The following PDE12 variants were observed in gnomAD, a reference collection of about 807,000 sequenced individuals.
PDE12 encodes 2',5'-phosphodiesterase 12.
PDE12 carries 26 observed loss-of-function variants against 45.4 expected under a neutral mutation model. That is an observed-to-expected ratio of 0.57 (90% CI 0.42 to 0.79). The LOEUF is 0.79. Ranked by LOEUF, PDE12 falls within the 30% of genes least tolerant of loss-of-function variation. The pLI, the probability that PDE12 is intolerant of heterozygous loss-of-function variation, is 0.00. For missense variants in PDE12, 668 were observed against 790.0 expected, an observed-to-expected ratio of 0.85 and a Z score of 1.85; for synonymous variants, 283 against 323.9, an observed-to-expected ratio of 0.87 and a Z score of 1.36.
chr3:57,576,081 C>A, the PDE12 span, among the ~76,000 whole-genome samples: 1 of 152,096 alleles, frequency 6.6e-6, no homozygotes, highest in African/African-American at 2.4e-5. Flanking sequence ...TCTATCCTTT[C>A]CAACAACAGT....
At chr3:57,572,061 C>T in the PDE12 span, 77 of 609,540 alleles carry the variant, frequency 1.3e-4, no homozygotes, top group African/African-American at 1.2e-3. Context: ...ACATTATACT[C>T]GGTAAACAAT....
the PDE12 span, among the ~76,000 whole-genome samples, chr3:57,595,846 G>A: frequency 2.0e-5 from 3 of 152,048 alleles, no homozygotes; most frequent in Non-Finnish European, 4.4e-5. Flanking sequence ...AGCTACTCGG[G>A]AGGCTGAGGC....
the PDE12 span, among the ~76,000 whole-genome samples, chr3:57,640,451 G>T: frequency 6.6e-6 from 1 of 151,642 alleles, no homozygotes; most frequent in Non-Finnish European, 1.5e-5. Context: ...AAATTAGCCG[G>T]GCAAGGAGGT....
At chr3:57,584,462 C>T in the PDE12 span, 1 of 1,611,742 alleles carries the variant, frequency 6.2e-7, no homozygotes. Context: ...GCATCCAATC[C>T]AACTAGAAGA....
At chr3:57,588,979 G>A in the PDE12 span, among the ~76,000 whole-genome samples, 17 of 152,290 alleles carry the variant, frequency 1.1e-4, no homozygotes, top group East Asian at 5.8e-4. Context: ...GCACATGCCT[G>A]TAATCCCAGC....
the PDE12 span, among the ~76,000 whole-genome samples, chr3:57,616,469 A>G: frequency 6.7e-6 from 1 of 149,378 alleles, no homozygotes; most frequent in Non-Finnish European, 1.5e-5. Context: ...AGGAGGAGAA[A>G]GAAGGAAGAA....
the PDE12 span, among the ~76,000 whole-genome samples, chr3:57,589,636 T>A: frequency 6.6e-6 from 1 of 151,014 alleles, no homozygotes; most frequent in African/African-American, 2.4e-5. Flanking sequence ...GAGAATCGCT[T>A]GAACCCGGGA....
At chr3:57,608,537 A>C in the PDE12 span, among the ~76,000 whole-genome samples, 631 of 152,044 alleles carry the variant, frequency 4.2e-3, 6 homozygotes, top group African/African-American at 0.015. Flanking sequence ...AAAGGCATGG[A>C]GGAAGATCTG....
chr3:57,596,347 CT>C, the PDE12 span, among the ~76,000 whole-genome samples: 1 of 152,092 alleles, frequency 6.6e-6, no homozygotes, highest in Admixed American at 6.6e-5. Flanking sequence ...CTTAGACCGC[CT>C]AAAAATAAGC....
chr3:57,621,846 T>C, the PDE12 span, among the ~76,000 whole-genome samples: 2 of 149,942 alleles, frequency 1.3e-5, no homozygotes, highest in African/African-American at 4.9e-5. Flanking sequence ...ATCTTTGCAA[T>C]GCATGTATCT....
Position 57,556,762 on chromosome 3 carries a change from G to A in PDE12, c.383G>A (p.Arg128Gln). 1 of 1,607,080 alleles carries A rather than the reference G, an allele frequency of 6.2e-7. No homozygotes were observed. Among genetic ancestry groups the A allele is most frequent in the Non-Finnish European group, 8.5e-7 (1 of 1,175,026 alleles). Reference sequence around the variant, plus strand: ...GAGCCCGTGGTGAAGCTGTACTACCGGGAAGAGGCAGTGGCTGAGGACGTG... The same window carrying A: ...GAGCCCGTGGTGAAGCTGTACTACCAGGAAGAGGCAGTGGCTGAGGACGTG... ...FCEPVVKLYYREEAVAEDVLN... is the reference protein window; with the variant it reads ...FCEPVVKLYYQEEAVAEDVLN... Residue 128 changes from arginine (R) to glutamine (Q), a missense_variant, in exon 1 of 3, where the codon CGG becomes CAG. Coordinates refer to ENST00000311180, the MANE Select transcript of PDE12 (RefSeq NM_177966.7). The surrounding 1 kb of genome is among the most constrained non-coding windows in gnomAD (Gnocchi z 5.0).
chr3:57,580,765 AT>A, the PDE12 span, among the ~76,000 whole-genome samples: 1 of 143,484 alleles, frequency 7.0e-6, no homozygotes, highest in African/African-American at 2.5e-5. Flanking sequence ...CTAACTTCCC[AT>A]TTTTATTCTT....
chr3:57,556,784 C>G lies in PDE12; in HGVS notation c.405C>G (p.Asp135Glu). Reference protein sequence around the residue: ...LYYREEAVAEDVLNVDAWQDG... With the variant: ...LYYREEAVAEEVLNVDAWQDG... Reference sequence around the variant, plus strand: ...ACCGGGAAGAGGCAGTGGCTGAGGACGTGCTCAACGTGGATGCCTGGCAAG... The same window carrying G: ...ACCGGGAAGAGGCAGTGGCTGAGGAGGTGCTCAACGTGGATGCCTGGCAAG... Residue 135 changes from aspartate (D) to glutamate (E), a missense_variant, in exon 1 of 3, where the codon GAC becomes GAG. Physicochemically the swap from Asp to Glu is conservative, Grantham distance 45 (BLOSUM62 2). Around this residue, in one of 3 missense-constraint regions of PDE12, gnomAD observed 580 missense variants for 662.9 expected, o/e 0.87. Transcript: ENST00000311180. The surrounding 1 kb of genome is among the most constrained non-coding windows in gnomAD (Gnocchi z 5.0). 1.2e-6 allele frequency: 2 copies of G among 1,611,242 alleles called. No individual in the cohort carries two copies. The highest frequency in any genetic ancestry group is 8.5e-7 in the Non-Finnish European group (1 of 1,178,044).
the PDE12 span, among the ~76,000 whole-genome samples, chr3:57,644,550 T>G: frequency 6.6e-6 from 1 of 150,644 alleles, no homozygotes; most frequent in African/African-American, 2.4e-5. Flanking sequence ...TTAAGTGATC[T>G]GCCCGCCTCA....
At chr3:57,646,189 G>A in the PDE12 span, 1,721 of 1,325,924 alleles carry the variant, frequency 1.3e-3, 15 homozygotes, top group African/African-American at 0.021. Flanking sequence ...TAGGGTTTTT[G>A]CATGGATCAA....
chr3:57,616,467 AAAG>A, the PDE12 span, among the ~76,000 whole-genome samples: 18 of 149,652 alleles, frequency 1.2e-4, no homozygotes, highest in South Asian at 4.2e-4. Context: ...GGAGGAGGAG[AAAG>A]AAGGAAGAAG....
chr3:57,579,776 T>C, the PDE12 span, among the ~76,000 whole-genome samples: 8 of 152,160 alleles, frequency 5.3e-5, no homozygotes, highest in South Asian at 6.2e-4. Flanking sequence ...ACTGCATCTA[T>C]ACCACCTGGA....
At chr3:57,589,731 A>ATTTTT in the PDE12 span, among the ~76,000 whole-genome samples, 1 of 151,624 alleles carries the variant, frequency 6.6e-6, no homozygotes, top group East Asian at 1.9e-4. Context: ...AAAACAAACA[A>ATTTTT]AAAACCCAAA....
the PDE12 span, among the ~76,000 whole-genome samples, chr3:57,637,814 TA>T: frequency 1.9e-4 from 5 of 26,372 alleles, no homozygotes; most frequent in Non-Finnish European, 1.2e-3. Flanking sequence ...ACAAAAAAAA[TA>T]AATAAATAAG....
Sources: allele counts gnomAD v4.1 joint callset (sites outside exome capture counted in the v4.1 genomes callset), GRCh38; gene constraint gnomAD v4.1.1; regional missense constraint gnomAD v4.1.1; non-coding constraint Gnocchi (gnomAD v3.1); transcripts MANE v1.5; gene names NCBI Gene and HGNC (gene_info 2026-07-23, HGNC 2026-07-21).